FGF13: variants seen among roughly 807,000 people sequenced by gnomAD.
FGF13 encodes fibroblast growth factor homologous factor 2.
FGF13 carries 2 observed loss-of-function variants against 19.5 expected under a neutral mutation model. That is an observed-to-expected ratio of 0.10 (90% CI 0.04 to 0.32). The LOEUF (loss-of-function observed/expected upper bound fraction) is 0.32. FGF13 is among the 10% of genes least tolerant of loss of function. FGF13 has a pLI of 1.00. For missense variants in FGF13, 113 were observed against 192.7 expected, an observed-to-expected ratio of 0.59 and a Z score of 2.45; for synonymous variants, 72 against 76.9, an observed-to-expected ratio of 0.94 and a Z score of 0.33.
intron 1 of FGF13, among the ~76,000 whole-genome samples, chrX:138,899,863 ACTAG>A (rs1309315495): frequency 8.9e-6 from 1 of 111,890 alleles, no homozygotes; most frequent in African/African-American, 3.3e-5. Context: ...GAAGCAGACA[ACTAG>A]CTAGTCCACC....
At chrX:139,131,978 G>T (rs2083765666) in intron 1 of FGF13, among the ~76,000 whole-genome samples, 1 of 111,964 alleles carries the variant, frequency 8.9e-6, no homozygotes, top group Admixed American at 9.5e-5. Flanking sequence ...AGCACATACA[G>T]AAGGTTATTG....
intron 1 of FGF13, among the ~76,000 whole-genome samples, chrX:139,086,758 AAAT>A (rs2083406438): frequency 8.9e-6 from 1 of 112,598 alleles, no homozygotes; most frequent in Non-Finnish European, 1.9e-5. Flanking sequence ...TTTAATAAAA[AAAT>A]AAAAATTAAG....
intron 1 of FGF13, among the ~76,000 whole-genome samples, chrX:138,921,314 G>A (rs2091643874): frequency 8.9e-6 from 1 of 111,973 alleles, no homozygotes. Context: ...CAGAAGTTGT[G>A]CAATGTGAAC....
chrX:138,802,987 C>A (rs775275282), intron 3 of FGF13, among the ~76,000 whole-genome samples: 5 of 111,659 alleles, frequency 4.5e-5, no homozygotes, highest in Non-Finnish European at 5.6e-5. Context: ...TATTAAGGAA[C>A]CAAGACTTGA....
chrX:138,982,668 A>AT (rs2091968747), intron 1 of FGF13, among the ~76,000 whole-genome samples: 2 of 112,154 alleles, frequency 1.8e-5, no homozygotes, highest in African/African-American at 6.5e-5. Context: ...ACTTTAATAC[A>AT]CATGATTTAG....
rs1193427434 is a variant in FGF13 at position 138,632,034 on chromosome X, C to G, written c.*816G>C. On this transcript the variant is annotated 3_prime_UTR_variant, in exon 5 of 5. Coordinates refer to ENST00000315930, the MANE Select transcript of FGF13 (RefSeq NM_004114.5). ...ACAAGAAGCCACAACAATAGTTTAA[C>G]ATGATACACAAATGGAATTAAGAGA... is the stretch of plus-strand genomic sequence containing the variant. 4.6e-5 allele frequency: 5 copies of G among 109,643 alleles called. No individual in the cohort carries two copies. The highest frequency in any genetic ancestry group is 9.6e-5 in the Non-Finnish European group (5 of 52,314). 9.0% of individuals were successfully genotyped at this position (109,643 alleles called of 1,213,427 possible). A position where few individuals can be genotyped will look rare whatever the true frequency, so the allele number is the denominator to read the frequency against.
chrX:139,162,663 A>G (rs771098589), intron 1 of FGF13, among the ~76,000 whole-genome samples: 1 of 112,461 alleles, frequency 8.9e-6, no homozygotes, highest in South Asian at 3.7e-4. Flanking sequence ...GCTAACATCC[A>G]GAATCTACAA....
intron 1 of FGF13, among the ~76,000 whole-genome samples, chrX:139,077,553 T>C (rs2083340806): frequency 9.0e-6 from 1 of 111,489 alleles, no homozygotes; most frequent in South Asian, 3.8e-4. Context: ...ATCCAGTAGC[T>C]ACACACATAC....
intron 1 of FGF13, among the ~76,000 whole-genome samples, chrX:138,982,885 A>T (rs1227417470): frequency 8.9e-6 from 1 of 112,180 alleles, no homozygotes; most frequent in Non-Finnish European, 1.9e-5. Context: ...ATCTTTTCAT[A>T]TGCCTGTTGG....
At chrX:139,055,584 C>T (rs2092318523) in intron 1 of FGF13, among the ~76,000 whole-genome samples, 2 of 112,370 alleles carry the variant, frequency 1.8e-5, no homozygotes, top group African/African-American at 6.5e-5. Flanking sequence ...TGCTGTTAAT[C>T]GTCAGTCCTC....
At chrX:138,794,969 C>A (rs756131969) in intron 3 of FGF13, among the ~76,000 whole-genome samples, 2 of 112,144 alleles carry the variant, frequency 1.8e-5, no homozygotes, top group South Asian at 7.4e-4. Context: ...TGAAAGTATG[C>A]AAGAAGTTAA....
At chrX:138,781,984 G>A (rs1162711342) in intron 3 of FGF13, among the ~76,000 whole-genome samples, 11 of 111,692 alleles carry the variant, frequency 9.8e-5, no homozygotes, top group Non-Finnish European at 2.1e-4. Flanking sequence ...TTCATCCCTG[G>A]GATGCAAGGC....
At chrX:139,039,955 A>G (rs2092263708) in intron 1 of FGF13, among the ~76,000 whole-genome samples, 1 of 111,972 alleles carries the variant, frequency 8.9e-6, no homozygotes, top group East Asian at 2.8e-4. Context: ...AAAAGGTTGT[A>G]TACTTCCATT....
intron 1 of FGF13, among the ~76,000 whole-genome samples, chrX:139,131,534 A>T (rs2057539003): frequency 9.0e-6 from 1 of 110,795 alleles, no homozygotes; most frequent in African/African-American, 3.3e-5. Flanking sequence ...CCAGGAGTTC[A>T]AGACCAACTG....
At chrX:139,141,431 T>C (rs1481123457) in intron 1 of FGF13, among the ~76,000 whole-genome samples, 1 of 112,146 alleles carries the variant, frequency 8.9e-6, no homozygotes. Flanking sequence ...ACCCTAGGTT[T>C]AAAATCCTTT....
intron 1 of FGF13, among the ~76,000 whole-genome samples, chrX:139,095,775 G>A (rs1013215859): frequency 8.9e-6 from 1 of 111,807 alleles, no homozygotes; most frequent in Admixed American, 9.5e-5. Flanking sequence ...CTCCCTTAGG[G>A]ATGTTCCTTT....
chrX:138,867,782 A>AATCT (rs11461039), intron 1 of FGF13, among the ~76,000 whole-genome samples: 22,176 of 94,290 alleles, frequency 0.24, 2,331 homozygotes, highest in Non-Finnish European at 0.25. Flanking sequence ...ACTGTCTCTA[A>AATCT]ATCTATCTAT....
chrX:138,820,641 C>T (rs776158602), intron 3 of FGF13, among the ~76,000 whole-genome samples: 2 of 111,957 alleles, frequency 1.8e-5, no homozygotes, highest in East Asian at 2.8e-4. Context: ...CAGACTAGTT[C>T]GTGAGACAAA....
chrX:139,095,766 T>G (rs1411460481), intron 1 of FGF13, among the ~76,000 whole-genome samples: 4 of 111,892 alleles, frequency 3.6e-5, no homozygotes, highest in African/African-American at 1.3e-4. Flanking sequence ...ATCTTTGTTC[T>G]CCCTTAGGGA....
Sources: gnomAD v4.1 joint callset for allele counts (sites outside exome capture counted in the v4.1 genomes callset) on GRCh38, gnomAD v4.1.1 for gene constraint, MANE v1.5 for transcripts, NCBI Gene and HGNC (gene_info 2026-07-23, HGNC 2026-07-21) for gene names.